Variants in FUBP1 observed in about 807,000 individuals in gnomAD.
FUBP1 encodes the protein far upstream element-binding protein 1.
FUBP1 carries 16 observed loss-of-function variants against 94.9 expected under a neutral mutation model. The ratio of observed to expected loss-of-function variants is 0.17; its 90% confidence interval spans 0.11 to 0.26. FUBP1 has a LOEUF of 0.26. Among genes scored for constraint, FUBP1 ranks in the 10% least tolerant of loss-of-function variants. The pLI is 1.00. For synonymous variants in FUBP1, 279 were observed against 254.9 expected, an observed-to-expected ratio of 1.09 and a Z score of -0.90; for missense variants, 583 against 808.6, an observed-to-expected ratio of 0.72 and a Z score of 3.38.
At chr1:77,974,266 G>C (rs1183196858) in intron 1 of FUBP1, among the ~76,000 whole-genome samples, 1 of 151,424 alleles carries the variant, frequency 6.6e-6, no homozygotes, top group Admixed American at 6.6e-5. Context: ...CTCCTGAGTA[G>C]CTGGGACTAC....
intron 18 of FUBP1, 135 bp downstream of exon 18, chr1:77,955,120 T>C (rs1459607133): frequency 5.3e-6 from 3 of 563,646 alleles, no homozygotes; most frequent in Admixed American, 3.7e-5. Context: ...TAACCACAAA[T>C]TTAAAAACTA....
intron 12 of FUBP1, 70 bp from the exon 13 acceptor site, chr1:77,963,785 A>G: frequency 2.2e-6 from 3 of 1,335,142 alleles, no homozygotes; most frequent in Admixed American, 2.3e-5. Flanking sequence ...AAAATTATTA[A>G]GTTTATTTTT....
intron 18 of FUBP1, among the ~76,000 whole-genome samples, chr1:77,954,796 G>A (rs2102293131): frequency 6.6e-6 from 1 of 152,306 alleles, no homozygotes; most frequent in Middle Eastern, 3.4e-3. Flanking sequence ...GGTTCCTAAA[G>A]AGACAAATTT....
rs1651733066 is a variant in FUBP1, at chr1:77,944,404, G to A, written c.*4362C>T. Reference sequence around the variant, plus strand: ...GAAAATAAAACCCTGGGATTTATTTGCTTATTAAAAGCACCAATTTAAAAA... The same window carrying A: ...GAAAATAAAACCCTGGGATTTATTTACTTATTAAAAGCACCAATTTAAAAA... On this transcript the variant is annotated 3_prime_UTR_variant, in exon 20 of 20. Transcript: ENST00000370768. The A allele has an allele frequency of 4.9e-6, 1 of 205,906 alleles. No homozygotes were observed. The highest frequency in any genetic ancestry group is 6.0e-5 in the Admixed American group (1 of 16,768). The allele number at this position is 205,906 out of a possible 1,614,324, so 12.8% of individuals were successfully genotyped here.
At chr1:77,951,910 CAG>C (rs1653541576) in intron 18 of FUBP1, among the ~76,000 whole-genome samples, 1 of 152,166 alleles carries the variant, frequency 6.6e-6, no homozygotes, top group Non-Finnish European at 1.5e-5. Context: ...CTTCAGGGTT[CAG>C]AGTCTACCAC....
chr1:77,967,205 G>C, intron 4 of FUBP1, 104 bp from the exon 5 acceptor site: 1 of 709,154 alleles, frequency 1.4e-6, no homozygotes, highest in Non-Finnish European at 2.3e-6. Flanking sequence ...TCTCCCAATG[G>C]CTTAAACTAA....
chr1:77,962,680 C>A, intron 14 of FUBP1, 90 bp downstream of exon 14: 1 of 699,820 alleles, frequency 1.4e-6, no homozygotes, highest in South Asian at 2.3e-5. Flanking sequence ...AGTAATGATA[C>A]ATTTTCCTTT....
intron 16 of FUBP1, among the ~76,000 whole-genome samples, 163 bp downstream of exon 16, chr1:77,960,021 T>C (rs1655164021): frequency 6.6e-6 from 1 of 152,226 alleles, no homozygotes. Context: ...CTCATATTCA[T>C]GTCAGTCCTA....
intron 18 of FUBP1, among the ~76,000 whole-genome samples, chr1:77,950,517 C>T (rs1001350300): frequency 1.3e-5 from 2 of 152,220 alleles, no homozygotes; most frequent in South Asian, 2.1e-4. Context: ...ATGGTTCATA[C>T]ACAAAAAACA....
Position 77,969,012 on chromosome 1 carries a change from A to T in FUBP1, c.212-809T>A, listed in dbSNP as rs1015660318. Reference sequence around the variant, plus strand: ...CATACTGAACACAGGTAATAAATAAAAATTCCTGCCTTTAAAAGGAGAGGG... The same window carrying T: ...CATACTGAACACAGGTAATAAATAATAATTCCTGCCTTTAAAAGGAGAGGG... On this transcript the variant is annotated intron_variant, in intron 2 of 19. Coordinates refer to ENST00000370768, the MANE Select transcript of FUBP1 (RefSeq NM_003902.5). 5.1e-6 allele frequency: 6 copies of T among 1,170,436 alleles called. No homozygotes were observed. In the African/African-American group the frequency reaches 9.5e-5, roughly 18 times the overall value. The allele number at this position is 1,170,436 out of a possible 1,614,324, so 72.5% of individuals were successfully genotyped here. A position where few individuals can be genotyped will look rare whatever the true frequency, so the allele number is the denominator to read the frequency against.
rs58641354 is a variant in FUBP1, at chr1:77,973,773, CCT to C, written c.121-3760_121-3759del. ...TTTTTGCTCTTCACGGTTTCAGTTA[CCT>C]ATGATATAGTACAATCAGATATTCT... On this transcript the variant is annotated intron_variant, in intron 1 of 19. Coordinates refer to ENST00000370768, the MANE Select transcript of FUBP1 (RefSeq NM_003902.5). Among the ~76,000 whole-genome samples the C allele has an allele frequency of 8.4e-3, 1,277 of 152,290 alleles. 15 individuals carry two copies. The highest frequency in any genetic ancestry group is 0.029 in the African/African-American group (1,214 of 41,560).
At position 77,964,885 on chromosome 1, in the gene FUBP1, G is replaced by C. The variant is rs1656190896; in HGVS notation, c.720C>G (p.Asp240Glu). 6.2e-7 allele frequency: 1 copy of C among 1,603,810 alleles called. No homozygotes were observed. Among genetic ancestry groups the C allele is most frequent in the Non-Finnish European group, 8.5e-7 (1 of 1,170,758 alleles). ...GADKPLRITG[D>E]PYKVQQAKEM... ...TTAAGTTTACTTGAACTTTATATGGGTCTCCTGTAATCCTAAGAGGTTTGT... is the reference window on the plus strand; with the variant it reads ...TTAAGTTTACTTGAACTTTATATGGCTCTCCTGTAATCCTAAGAGGTTTGT... Residue 240 changes from aspartate to glutamate, a missense_variant, in exon 9 of 20, where the codon GAC (aspartate) becomes GAG (glutamate). By Grantham distance (45) the Asp-to-Glu change is conservative (BLOSUM62 2). Transcript: ENST00000370768.
chr1:77,969,225 C>A (rs978241171), intron 2 of FUBP1: 14 of 261,244 alleles, frequency 5.4e-5, no homozygotes, highest in Non-Finnish European at 1.1e-4. Flanking sequence ...TCAAAAGCTA[C>A]AAATACATTC....
At chr1:77,957,509 C>T (rs926126801) in intron 16 of FUBP1, among the ~76,000 whole-genome samples, 3 of 152,190 alleles carry the variant, frequency 2.0e-5, no homozygotes, top group Non-Finnish European at 4.4e-5. Context: ...AACTGAAGTG[C>T]GAACAGTTTG....
At position 77,947,155 on chromosome 1, in the gene FUBP1, C is replaced by T. The variant is rs528182641; in HGVS notation, c.*1611G>A. 1 of 208,724 alleles carries T rather than the reference C, an allele frequency of 4.8e-6. No individual in the cohort carries two copies. Among genetic ancestry groups the T allele is most frequent in the South Asian group, 1.7e-4 (1 of 6,022 alleles). 12.9% of individuals were successfully genotyped at this position (208,724 alleles called of 1,614,324 possible). ...AAATATAGAAGATATGCATATTTTA[C>T]ACTGAAAAACAATATTTTAGGAGCA... is the stretch of plus-strand genomic sequence containing the variant. On this transcript the variant is annotated 3_prime_UTR_variant, in exon 20 of 20. Coordinates refer to ENST00000370768, the MANE Select transcript of FUBP1 (RefSeq NM_003902.5).
At chr1:77,967,835 C>A (rs553994830) in intron 3 of FUBP1, among the ~76,000 whole-genome samples, 169 bp from the exon 4 acceptor site, 3 of 152,096 alleles carry the variant, frequency 2.0e-5, no homozygotes, top group East Asian at 3.9e-4. Context: ...TTGACAGGGG[C>A]AAGAGAGCCA....
upstream of FUBP1, chr1:77,979,171 C>T: frequency 3.0e-6 from 2 of 672,422 alleles, no homozygotes; most frequent in South Asian, 2.0e-5. Context: ...GTTTCCGAGG[C>T]AACGCGCTGG....
At chr1:77,968,355 T>G in intron 2 of FUBP1, 152 bp from the exon 3 acceptor site, 1 of 596,116 alleles carries the variant, frequency 1.7e-6, no homozygotes, top group Non-Finnish European at 2.9e-6. Flanking sequence ...CAACCCCAAC[T>G]CAGTAATCTA....
upstream of FUBP1, chr1:77,979,220 C>G (rs1267923190): frequency 1.7e-5 from 9 of 541,202 alleles, no homozygotes; most frequent in Middle Eastern, 9.8e-4. Context: ...GGAACAGAGA[C>G]GTCGCGAGGA....
Sources: allele counts gnomAD v4.1 joint callset (sites outside exome capture counted in the v4.1 genomes callset), GRCh38; gene constraint gnomAD v4.1.1; transcripts MANE v1.5; gene names NCBI Gene and HGNC (gene_info 2026-07-23, HGNC 2026-07-21).